Variants in PRTFDC1 observed in about 807,000 individuals in gnomAD.
PRTFDC1 encodes the protein phosphoribosyl transferase domain containing 1, also known as phosphoribosyltransferase domain-containing protein 1.
Under a neutral mutation model 34.6 loss-of-function variants are expected in PRTFDC1, and 38 were observed. The ratio of observed to expected loss-of-function variants is 1.10; its 90% confidence interval spans 0.85 to 1.44. The LOEUF (loss-of-function observed/expected upper bound fraction) is 1.44. Ranked by LOEUF, PRTFDC1 falls within the 40% of genes most tolerant of loss-of-function variation. The pLI is 0.00. For synonymous variants in PRTFDC1, 93 were observed against 98.1 expected, an observed-to-expected ratio of 0.95 and a Z score of 0.31; for missense variants, 270 against 283.0, an observed-to-expected ratio of 0.95 and a Z score of 0.33.
At position 24,952,067 on chromosome 10, in the gene PRTFDC1, T is replaced by C. The variant is rs1041429976; in HGVS notation, c.48+461A>G. Among the ~76,000 whole-genome samples the C allele has an allele frequency of 1.3e-5, 2 of 152,370 alleles. No homozygotes were observed. Among genetic ancestry groups the C allele is most frequent in the African/African-American group, 2.4e-5 (1 of 41,594 alleles). ...CTCAAGCTCTGTCCACTTGAGCTAC[T>C]TTATTTCCTAGCTGCCTTCAAAACC... On this transcript the variant is annotated intron_variant, in intron 1 of 8. Transcript: ENST00000320152. The surrounding 1 kb of genome is among the most constrained non-coding windows in gnomAD (Gnocchi z 5.1).
At chr10:24,873,178 C>A (rs895162636) in intron 3 of PRTFDC1, among the ~76,000 whole-genome samples, 1 of 152,018 alleles carries the variant, frequency 6.6e-6, no homozygotes, top group Non-Finnish European at 1.5e-5. Context: ...AGTTTATGAT[C>A]ATTTACTTTC....
At chr10:24,907,407 C>T (rs748312644) in intron 3 of PRTFDC1, among the ~76,000 whole-genome samples, 17 of 151,998 alleles carry the variant, frequency 1.1e-4, no homozygotes, top group Non-Finnish European at 2.1e-4. Context: ...CCAGCATGGT[C>T]AACATGGTGA....
intron 4 of PRTFDC1, among the ~76,000 whole-genome samples, chr10:24,858,763 C>A (rs1847624326): frequency 6.6e-6 from 1 of 152,154 alleles, no homozygotes; most frequent in Non-Finnish European, 1.5e-5. Context: ...ACCAGGAAAA[C>A]AATGCAACAT....
chr10:24,900,109 T>C (rs2132552014), intron 3 of PRTFDC1, among the ~76,000 whole-genome samples: 1 of 152,342 alleles, frequency 6.6e-6, no homozygotes, highest in Middle Eastern at 3.4e-3. Context: ...TCCACAGTTC[T>C]CCTAATTTAC....
chr10:24,901,600 A>C (rs1479593134), intron 3 of PRTFDC1, among the ~76,000 whole-genome samples: 4 of 152,056 alleles, frequency 2.6e-5, no homozygotes, highest in Non-Finnish European at 5.9e-5. Context: ...ATAGTGGTAC[A>C]TGTCTGTAGT....
intron 3 of PRTFDC1, 51 bp downstream of exon 3, chr10:24,937,133 C>T: frequency 2.1e-6 from 3 of 1,447,696 alleles, no homozygotes; most frequent in East Asian, 2.3e-5. Context: ...TTCTTTTATC[C>T]TAAAGCATTG....
intron 3 of PRTFDC1, among the ~76,000 whole-genome samples, chr10:24,886,935 TG>T (rs1289265973): frequency 1.3e-5 from 2 of 150,604 alleles, no homozygotes; most frequent in African/African-American, 4.9e-5. Flanking sequence ...TTTACATCTT[TG>T]TATCTTGTTA....
intron 5 of PRTFDC1, 114 bp downstream of exon 5, chr10:24,858,278 C>T (rs1330794988): frequency 1.8e-6 from 2 of 1,089,674 alleles, no homozygotes; most frequent in East Asian, 2.4e-5. Context: ...GGAGAGCATG[C>T]ACCCAGTGGG....
At chr10:24,885,742 C>A (rs961244546) in intron 3 of PRTFDC1, among the ~76,000 whole-genome samples, 2 of 152,144 alleles carry the variant, frequency 1.3e-5, no homozygotes, top group Non-Finnish European at 2.9e-5. Flanking sequence ...ATGGAAACAA[C>A]CCAGAGGTCC....
In PRTFDC1 at chr10:24,937,122, A is replaced by T; in HGVS notation, c.339+62T>A. 3 of 1,379,160 alleles carry T rather than the reference A, an allele frequency of 2.2e-6. No homozygotes were observed. The East Asian group carries it at 7.1e-5, about 33-fold the overall frequency. The allele number at this position is 1,379,160 out of a possible 1,614,324, so 85.4% of individuals were successfully genotyped here. On this transcript the variant is annotated intron_variant, in intron 3 of 8. Coordinates refer to ENST00000320152, the MANE Select transcript of PRTFDC1 (RefSeq NM_020200.7). ...ACTCTTCATTTTCATAACATTATTG[A>T]TTCTTTTATCCTAAAGCATTGTTAA...
intron 7 of PRTFDC1, 108 bp downstream of exon 7, chr10:24,855,210 C>T: frequency 9.1e-7 from 1 of 1,103,310 alleles, no homozygotes; most frequent in Non-Finnish European, 1.3e-6. Context: ...AGTTTCAAAT[C>T]CACATGCAAT....
chr10:24,949,604 T>A (rs1006346508), intron 1 of PRTFDC1, among the ~76,000 whole-genome samples: 1 of 152,338 alleles, frequency 6.6e-6, no homozygotes, highest in East Asian at 1.9e-4. Flanking sequence ...GAGAAAAGGA[T>A]GTAAATGTAG....
rs188849834 is a variant in PRTFDC1, at chr10:24,897,613, C to T, written c.340-25550G>A. Among the ~76,000 whole-genome samples the T allele has an allele frequency of 2.1e-3, 316 of 152,252 alleles. 3 individuals carry two copies. The highest frequency in any genetic ancestry group is 3.4e-3 in the Middle Eastern group (1 of 294). On this transcript the variant is annotated intron_variant, in intron 3 of 8. Transcript: ENST00000320152. ...GACACTCCACAACTTGATGGAAATCCGGGGCTTCTTTGTAAGCATAACTGT... is the reference window on the plus strand; with the variant it reads ...GACACTCCACAACTTGATGGAAATCTGGGGCTTCTTTGTAAGCATAACTGT...
chr10:24,864,522 A>G lies in PRTFDC1; in HGVS notation c.406-6113T>C, dbSNP rs1402098920. 4.6e-5 allele frequency among the ~76,000 whole-genome samples: 7 copies of G among 152,218 alleles called. No homozygotes were observed. In the East Asian group the frequency reaches 1.3e-3, roughly 29 times the overall value. Reference sequence around the variant, plus strand: ...CAACATCGTGGCAAGACCCTCCACCAGCAAAAAGATGATGACTCACTGAAG... The same window carrying G: ...CAACATCGTGGCAAGACCCTCCACCGGCAAAAAGATGATGACTCACTGAAG... On this transcript the variant is annotated intron_variant, in intron 4 of 8. Transcript: ENST00000320152.
In PRTFDC1 at chr10:24,871,987, C is replaced by A. The variant is rs373907318; in HGVS notation, c.405+11G>T. ...CCTCAATGCGGTCTGAGCACAGTTA[C>A]ATGAACAAACCTTTCCAGCCAGCGT... is the stretch of plus-strand genomic sequence containing the variant. On this transcript the variant is annotated intron_variant, in intron 4 of 8. Transcript: ENST00000320152. 6.2e-7 allele frequency: 1 copy of A among 1,602,904 alleles called. No homozygotes were observed. The highest frequency in any genetic ancestry group is 1.1e-5 in the South Asian group (1 of 90,822).
chr10:24,940,132 T>C (rs1202259620), intron 2 of PRTFDC1, among the ~76,000 whole-genome samples: 1 of 152,156 alleles, frequency 6.6e-6, no homozygotes, highest in Non-Finnish European at 1.5e-5. Flanking sequence ...CTATCAGTAA[T>C]TGACAGGTCC....
At chr10:24,888,846 G>A (rs950786239) in intron 3 of PRTFDC1, among the ~76,000 whole-genome samples, 1 of 152,132 alleles carries the variant, frequency 6.6e-6, no homozygotes, top group African/African-American at 2.4e-5. Context: ...TTAAAAGCAG[G>A]CAATGGTTTC....
rs1435019265 is a variant in PRTFDC1 at position 24,858,505 on chromosome 10, T to C, written c.406-96A>G. The C allele has an allele frequency of 1.4e-5, 18 of 1,257,330 alleles. No homozygotes were observed. In the South Asian group the frequency reaches 2.2e-4, roughly 16 times the overall value. The allele number at this position is 1,257,330 out of a possible 1,614,324, so 77.9% of individuals were successfully genotyped here. A position where few individuals can be genotyped will look rare whatever the true frequency, so the allele number is the denominator to read the frequency against. ...TGCTTATAGTTAGAATTTCACAATT[T>C]ACTTAGACGGTCCTTCCCCATCCAT... On this transcript the variant is annotated intron_variant, in intron 4 of 8. Transcript: ENST00000320152.
At chr10:24,880,842 T>C (rs557375860) in intron 3 of PRTFDC1, among the ~76,000 whole-genome samples, 18 of 147,050 alleles carry the variant, frequency 1.2e-4, no homozygotes, top group African/African-American at 4.4e-4. Flanking sequence ...TTTCTTTCTT[T>C]CTTTCTTTCT....
Sources: allele counts gnomAD v4.1 joint callset (sites outside exome capture counted in the v4.1 genomes callset), GRCh38; gene constraint gnomAD v4.1.1; non-coding constraint Gnocchi (gnomAD v3.1); transcripts MANE v1.5; gene names NCBI Gene and HGNC (gene_info 2026-07-23, HGNC 2026-07-21).